The following PTPRB variants were observed in gnomAD, a reference collection of about 807,000 sequenced individuals.
PTPRB encodes the protein protein tyrosine phosphatase receptor type B.
Under a neutral mutation model 238.1 loss-of-function variants are expected in PTPRB, and 97 were observed. The ratio of observed to expected loss-of-function variants is 0.41; its 90% CI spans 0.35 to 0.48. PTPRB has a LOEUF of 0.48. Among genes scored for constraint, PTPRB ranks in the 20% least tolerant of loss-of-function variants. The probability of loss-of-function intolerance (pLI) is 0.30; values close to 1 mark genes in which losing one functional copy is unlikely to be tolerated. For synonymous variants in PTPRB, 970 were observed against 995.4 expected, an observed-to-expected ratio of 0.97 and a Z score of 0.48; for missense variants, 2,292 against 2,681.9, an observed-to-expected ratio of 0.85 and a Z score of 3.21.
rs1880021296 is a variant in PTPRB at position 70,571,279 on chromosome 12, A to G, written c.3117T>C (p.Pro1039=). 2 of 1,599,890 alleles carry G rather than the reference A, an allele frequency of 1.3e-6. No homozygotes were observed. The highest frequency in any genetic ancestry group is 1.3e-5 in the African/African-American group (1 of 74,598). ...TGTTGCGCAATGTTAGATCCTTAAC[A>G]GGCTCTGGAACTAGGGAGAAAAATG... is the stretch of plus-strand genomic sequence containing the variant. ...EQGNGRTIPE[P]VKDLTLRNRS... The change falls in exon 13 of 34, where the codon CCT becomes CCC. Residue 1039 remains proline, a synonymous_variant. Coordinates refer to ENST00000334414, the MANE Select transcript of PTPRB (RefSeq NM_001109754.4).
intron 3 of PTPRB, among the ~76,000 whole-genome samples, chr12:70,615,567 A>T (rs1884641505): frequency 6.6e-6 from 1 of 152,220 alleles, no homozygotes; most frequent in African/African-American, 2.4e-5. Flanking sequence ...AACTACAAAC[A>T]GCCAAATAAT....
intron 21 of PTPRB, among the ~76,000 whole-genome samples, chr12:70,545,859 G>T (rs1292066853): frequency 6.6e-6 from 1 of 152,208 alleles, no homozygotes; most frequent in Non-Finnish European, 1.5e-5. Flanking sequence ...GAGACAGGCT[G>T]GGAGCGGTGG....
intron 31 of PTPRB, among the ~76,000 whole-genome samples, chr12:70,533,291 T>TAA (rs1465260539): frequency 6.6e-6 from 1 of 151,370 alleles, no homozygotes; most frequent in Admixed American, 6.5e-5. Context: ...ACCTTCCTAT[T>TAA]AAAAGTGTCA....
intron 32 of PTPRB, among the ~76,000 whole-genome samples, chr12:70,530,448 CACATATACACATGT>C (rs1234167998): frequency 2.0e-5 from 3 of 151,876 alleles, no homozygotes; most frequent in East Asian, 1.9e-4. Flanking sequence ...TATACACATG[CACATATACACATGT>C]ACACATATAT....
chr12:70,604,533 T>G (rs761475155), intron 4 of PTPRB, among the ~76,000 whole-genome samples: 4 of 152,186 alleles, frequency 2.6e-5, no homozygotes, highest in Non-Finnish European at 5.9e-5. Context: ...CAAGAATATG[T>G]TTTCATAACC....
rs1200267091 is a variant in PTPRB at position 70,519,111 on chromosome 12, A to C, written c.*2378T>G. ...TAAAATTAGGTGTAGGGTAGGAATA[A>C]ACATTTCCTGGGTTGGATTAGACTA... On this transcript the variant is annotated 3_prime_UTR_variant, in exon 34 of 34. Coordinates refer to ENST00000334414, the MANE Select transcript of PTPRB (RefSeq NM_001109754.4). The C allele has an allele frequency of 1.3e-5, 2 of 152,196 alleles. No individual in the cohort carries two copies. Among genetic ancestry groups the C allele is most frequent in the African/African-American group, 4.8e-5 (2 of 41,444 alleles). 9.4% of individuals were successfully genotyped at this position (152,196 alleles called of 1,614,324 possible).
At chr12:70,559,291 A>T in intron 18 of PTPRB, 52 bp downstream of exon 18, 1 of 1,528,084 alleles carries the variant, frequency 6.5e-7, no homozygotes, top group Non-Finnish European at 9.1e-7. Flanking sequence ...GATGTTGAAC[A>T]TATACTTCCT....
At position 70,519,822 on chromosome 12, in the gene PTPRB, G is replaced by T. The variant is rs1336028590; in HGVS notation, c.*1667C>A. ...ATTTCACAAGAGCATTGAGCACAAT[G>T]AAACTGTGAATCTTTGAAGCTTATG... On this transcript the variant is annotated 3_prime_UTR_variant, in exon 34 of 34. Transcript: ENST00000334414. 6.2e-6 allele frequency: 1 copy of T among 161,608 alleles called. No homozygotes were observed. The highest frequency in any genetic ancestry group is 1.3e-5 in the Non-Finnish European group (1 of 74,350). The allele number at this position is 161,608 out of a possible 1,614,324, so 10.0% of individuals were successfully genotyped here.
Position 70,520,415 on chromosome 12 carries a change from T to C in PTPRB, c.*1074A>G, listed in dbSNP as rs1003060548. 15 of 235,884 alleles carry C rather than the reference T, an allele frequency of 6.4e-5. No individual in the cohort carries two copies. In the East Asian group the frequency reaches 1.9e-3, roughly 31 times the overall value. 14.6% of individuals were successfully genotyped at this position (235,884 alleles called of 1,614,324 possible). A position where few individuals can be genotyped will look rare whatever the true frequency, so the allele number is the denominator to read the frequency against. On this transcript the variant is annotated 3_prime_UTR_variant, in exon 34 of 34. Coordinates refer to ENST00000334414, the MANE Select transcript of PTPRB (RefSeq NM_001109754.4). The stretch of plus-strand genomic sequence containing the variant: ...AAAATTTTACTGAAGACCACTGTTT[T>C]TGTTTTTGCTATTGTTTTTAAATTT...
intron 8 of PTPRB, among the ~76,000 whole-genome samples, chr12:70,587,523 C>CT (rs1207328182): frequency 5.3e-5 from 8 of 152,256 alleles, no homozygotes; most frequent in Middle Eastern, 3.4e-3. Context: ...TTGAGTTTAT[C>CT]TTTTTGTATG....
intron 31 of PTPRB, among the ~76,000 whole-genome samples, chr12:70,532,957 T>TTTAA (rs147142062): frequency 9.8e-5 from 15 of 152,304 alleles, no homozygotes; most frequent in African/African-American, 3.6e-4. Flanking sequence ...TCTAATTTCT[T>TTTAA]TTAATTAATT....
intron 9 of PTPRB, chr12:70,584,925 T>C (rs1017075946): frequency 6.6e-6 from 1 of 151,344 alleles, no homozygotes; most frequent in African/African-American, 2.4e-5. Flanking sequence ...AAAAATAAGA[T>C]ACAGGACAAT....
At chr12:70,535,002 C>T (rs773398755) in intron 29 of PTPRB, 47 bp from the exon 30 acceptor site, 19 of 1,575,030 alleles carry the variant, frequency 1.2e-5, no homozygotes, top group Non-Finnish European at 1.6e-5. Context: ...AAAGTGACTC[C>T]TTGGTGAACC....
chr12:70,571,379 C>A (rs776339455), intron 12 of PTPRB, 90 bp from the exon 13 acceptor site: 105 of 1,262,878 alleles, frequency 8.3e-5, no homozygotes, highest in Non-Finnish European at 1.1e-4. Flanking sequence ...AAGGAACTGG[C>A]AACATCTCCC....
intron 11 of PTPRB, among the ~76,000 whole-genome samples, chr12:70,573,217 A>G (rs1013270296): frequency 3.3e-5 from 5 of 152,174 alleles, no homozygotes; most frequent in Non-Finnish European, 5.9e-5. Context: ...TAAAAACAAC[A>G]AAAAATTTTG....
intron 3 of PTPRB, 139 bp from the exon 4 acceptor site, chr12:70,609,478 G>T: frequency 8.5e-7 from 1 of 1,181,572 alleles, no homozygotes; most frequent in Non-Finnish European, 1.2e-6. Context: ...TTGCCCTCTG[G>T]CCAGAGAAGA....
intron 3 of PTPRB, among the ~76,000 whole-genome samples, chr12:70,613,360 G>A: frequency 6.6e-6 from 1 of 152,002 alleles, no homozygotes; most frequent in East Asian, 1.9e-4. Context: ...ACACTGACTA[G>A]CCACCTATTG....
intron 20 of PTPRB, 128 bp from the exon 21 acceptor site, chr12:70,553,148 T>C: frequency 8.7e-7 from 1 of 1,154,470 alleles, no homozygotes; most frequent in Non-Finnish European, 1.2e-6. Context: ...GTACAGATTC[T>C]GCAATCTCAA....
chr12:70,606,376 T>A (rs989375824), intron 4 of PTPRB, among the ~76,000 whole-genome samples: 1 of 152,190 alleles, frequency 6.6e-6, no homozygotes, highest in African/African-American at 2.4e-5. Context: ...TTAATTCAAT[T>A]TTTTTATCCT....
Sources: allele counts gnomAD v4.1 joint callset (sites outside exome capture counted in the v4.1 genomes callset), GRCh38; gene constraint gnomAD v4.1.1; transcripts MANE v1.5; gene names NCBI Gene and HGNC (gene_info 2026-07-23, HGNC 2026-07-21).